Variants in PDE11A observed in about 807,000 individuals in gnomAD.
PDE11A encodes phosphodiesterase 11A.
A neutral mutation model predicts 100.5 loss-of-function variants in PDE11A; 100 were observed. That is an observed-to-expected ratio of 1.00 (90% CI 0.85 to 1.18). PDE11A has a LOEUF of 1.18. PDE11A is among the 50% of genes most tolerant of loss of function. PDE11A has a pLI of 0.00. For missense variants in PDE11A, 1,141 were observed against 1,152.6 expected (o/e 0.99, Z 0.15); for synonymous variants, 381 against 420.8 (o/e 0.91, Z 1.16).
At chr2:177,716,358 G>A (rs2081437214) in intron 12 of PDE11A, among the ~76,000 whole-genome samples, 1 of 152,032 alleles carries the variant, frequency 6.6e-6, no homozygotes, top group Admixed American at 6.6e-5. Flanking sequence ...TAGGTGCTGG[G>A]GGTAGCATTA....
At chr2:177,721,722 C>T (rs1252170843) in intron 12 of PDE11A, among the ~76,000 whole-genome samples, 4 of 151,990 alleles carry the variant, frequency 2.6e-5, no homozygotes, top group African/African-American at 7.3e-5. Context: ...TATAATATAA[C>T]ATATGGTTTA....
intron 2 of PDE11A, among the ~76,000 whole-genome samples, chr2:178,095,891 A>G (rs1218622164): frequency 6.6e-6 from 1 of 152,188 alleles, no homozygotes; most frequent in African/African-American, 2.4e-5. Context: ...CATAGTTGGA[A>G]CTGGAGTGGC....
chr2:177,925,357 G>C, intron 2 of PDE11A, among the ~76,000 whole-genome samples: 1 of 151,622 alleles, frequency 6.6e-6, no homozygotes, highest in South Asian at 2.1e-4. Context: ...CAGTGTAAAA[G>C]TGTTCCTATT....
chr2:177,756,107 C>A (rs2082087223), intron 10 of PDE11A, among the ~76,000 whole-genome samples: 1 of 152,138 alleles, frequency 6.6e-6, no homozygotes, highest in African/African-American at 2.4e-5. Context: ...CCCTGCCTTC[C>A]CACTAATGAA....
chr2:178,072,267 A>G lies in PDE11A; in HGVS notation c.171T>C (p.Gly57=). The change falls in exon 1 of 20, where the codon GGT becomes GGC. Residue 57 remains glycine (G), a synonymous_variant. Coordinates refer to ENST00000286063, the MANE Select transcript of PDE11A (RefSeq NM_016953.4). ...GALGPRPSLA[G]TSSLAHSTCR... ...AGGTGCTGTGAGCCAAGCTGCTGGT[A>G]CCAGCCAAAGAGGGCCTTGGACCTA... The G allele has an allele frequency of 6.2e-7, 1 of 1,604,352 alleles. No individual in the cohort carries two copies. The highest frequency in any genetic ancestry group is 8.5e-7 in the Non-Finnish European group (1 of 1,178,636).
intron 2 of PDE11A, among the ~76,000 whole-genome samples, chr2:177,982,288 C>A (rs1431494698): frequency 6.6e-6 from 1 of 150,630 alleles, no homozygotes; most frequent in African/African-American, 2.4e-5. Context: ...ACTCCACTCT[C>A]ATCATGGAAC....
intron 1 of PDE11A, among the ~76,000 whole-genome samples, chr2:178,062,237 A>G (rs527866337): frequency 1.3e-5 from 2 of 152,082 alleles, no homozygotes; most frequent in South Asian, 4.2e-4. Context: ...TTATGATAAA[A>G]AGGAGGGCTA....
At chr2:177,917,534 A>G (rs10181377) in intron 2 of PDE11A, among the ~76,000 whole-genome samples, 13,059 of 152,288 alleles carry the variant, frequency 0.086, 534 homozygotes, top group South Asian at 0.099. Context: ...GTAAGGTATA[A>G]ATATGTCTTA....
chr2:177,812,378 CT>C (rs2082962200), intron 9 of PDE11A, among the ~76,000 whole-genome samples: 1 of 152,044 alleles, frequency 6.6e-6, no homozygotes, highest in Non-Finnish European at 1.5e-5. Flanking sequence ...CCTATGCTGC[CT>C]TTTGCATGGA....
intron 4 of PDE11A, among the ~76,000 whole-genome samples, chr2:177,893,706 A>G (rs1174342416): frequency 3.3e-5 from 5 of 152,188 alleles, no homozygotes; most frequent in African/African-American, 1.2e-4. Flanking sequence ...GGTGTTTATC[A>G]TAAATACCAG....
At chr2:177,913,212 T>C (rs970125086) in intron 2 of PDE11A, among the ~76,000 whole-genome samples, 1 of 152,196 alleles carries the variant, frequency 6.6e-6, no homozygotes, top group Non-Finnish European at 1.5e-5. Flanking sequence ...GACATTTAGG[T>C]TGCTTCCAAT....
chr2:177,886,571 A>G (rs1172223982), intron 4 of PDE11A, among the ~76,000 whole-genome samples: 1 of 152,216 alleles, frequency 6.6e-6, no homozygotes, highest in East Asian at 1.9e-4. Context: ...ATTTGCAATA[A>G]GCAGTTTTTT....
intron 17 of PDE11A, among the ~76,000 whole-genome samples, chr2:177,675,117 A>G (rs886623499): frequency 6.6e-6 from 1 of 152,136 alleles, no homozygotes; most frequent in Non-Finnish European, 1.5e-5. Context: ...AAAAAAAGAA[A>G]ACAAGACTTT....
chr2:177,782,729 G>C (rs1035008653), intron 9 of PDE11A, among the ~76,000 whole-genome samples: 1 of 152,032 alleles, frequency 6.6e-6, no homozygotes, highest in Non-Finnish European at 1.5e-5. Context: ...TGTGAAGAAG[G>C]TTCTTTCTTT....
chr2:177,887,492 G>A (rs185363083), intron 4 of PDE11A, among the ~76,000 whole-genome samples: 12 of 152,246 alleles, frequency 7.9e-5, no homozygotes, highest in African/African-American at 2.9e-4. Flanking sequence ...AGCTGGGTGC[G>A]GTGGCTCATG....
At chr2:178,080,576 T>C (rs1195646466) in intron 2 of PDE11A, among the ~76,000 whole-genome samples, 1 of 152,192 alleles carries the variant, frequency 6.6e-6, no homozygotes, top group Admixed American at 6.5e-5. Context: ...AGGGTAGAAA[T>C]AAATATTAAG....
intron 2 of PDE11A, among the ~76,000 whole-genome samples, chr2:178,082,416 T>C (rs1176865871): frequency 2.0e-5 from 3 of 152,144 alleles, no homozygotes; most frequent in African/African-American, 7.2e-5. Flanking sequence ...AAACCATATG[T>C]CAACTAAAAA....
chr2:178,018,256 A>T lies in PDE11A; in HGVS notation c.913-3796T>A, dbSNP rs755726347. The T allele has an allele frequency of 3.1e-4, 132 of 419,740 alleles. 2 individuals are homozygous for T. Among genetic ancestry groups the T allele is most frequent in the Non-Finnish European group, 4.6e-4 (99 of 213,406 alleles). 26.0% of individuals were successfully genotyped at this position (419,740 alleles called of 1,614,324 possible). A position where few individuals can be genotyped will look rare whatever the true frequency, so the allele number is the denominator to read the frequency against. On this transcript the variant is annotated intron_variant, in intron 1 of 19. Transcript: ENST00000286063. ...TGCTGCTTTGAATCCTTGCTCTGCGATGGACTACTCCCTGGCTACAGCCCT... is the reference window on the plus strand; with the variant it reads ...TGCTGCTTTGAATCCTTGCTCTGCGTTGGACTACTCCCTGGCTACAGCCCT...
intron 12 of PDE11A, among the ~76,000 whole-genome samples, chr2:177,720,613 T>C (rs2081512493): frequency 6.6e-6 from 1 of 152,158 alleles, no homozygotes; most frequent in African/African-American, 2.4e-5. Context: ...AATCACCATC[T>C]AGGACCAACA....
Sources: gnomAD v4.1 joint callset for allele counts (sites outside exome capture counted in the v4.1 genomes callset) on GRCh38, gnomAD v4.1.1 for gene constraint, MANE v1.5 for transcripts, NCBI Gene and HGNC (gene_info 2026-07-23, HGNC 2026-07-21) for gene names.